The following CFAP69 variants were observed in gnomAD, a reference collection of about 807,000 sequenced individuals.
CFAP69 encodes the protein cilia- and flagella-associated protein 69.
Under a neutral mutation model 123.0 loss-of-function variants are expected in CFAP69, and 92 were observed. The observed-to-expected ratio is 0.75, with a 90% CI of 0.63 to 0.89. The LOEUF (loss-of-function observed/expected upper bound fraction) is 0.89. Among genes scored for constraint, CFAP69 ranks in the 40% least tolerant of loss-of-function variants. The pLI is 0.00. For synonymous variants in CFAP69, 380 were observed against 364.3 expected, an observed-to-expected ratio of 1.04 and a Z score of -0.49; for missense variants, 1,067 against 1,096.9, an observed-to-expected ratio of 0.97 and a Z score of 0.39.
chr7:90,248,429 A>G (rs1796578996), intron 1 of CFAP69, among the ~76,000 whole-genome samples: 1 of 152,226 alleles, frequency 6.6e-6, no homozygotes. Flanking sequence ...CACAAAAATA[A>G]CTTTGTAAAA....
chr7:90,287,104 A>T (rs1790409411), intron 14 of CFAP69, among the ~76,000 whole-genome samples: 1 of 148,596 alleles, frequency 6.7e-6, no homozygotes, highest in Admixed American at 6.7e-5. Flanking sequence ...AAAAAAAAAA[A>T]GATAGAAATA....
At chr7:90,291,126 G>A (rs1791124586) in intron 15 of CFAP69, among the ~76,000 whole-genome samples, 1 of 152,068 alleles carries the variant, frequency 6.6e-6, no homozygotes, top group Non-Finnish European at 1.5e-5. Context: ...TGAGTCCAAA[G>A]GATAAAGTGA....
intron 4 of CFAP69, among the ~76,000 whole-genome samples, chr7:90,263,401 G>C (rs1798602553): frequency 6.6e-6 from 1 of 152,038 alleles, no homozygotes; most frequent in Non-Finnish European, 1.5e-5. Context: ...TTCCGTTTTG[G>C]CCTCCAAGTA....
At chr7:90,252,167 G>T in intron 1 of CFAP69, 1 of 150,924 alleles carries the variant, frequency 6.6e-6, no homozygotes, top group South Asian at 2.1e-4. Flanking sequence ...TAAAATCTGA[G>T]AGTGTAGGAG....
chr7:90,301,981 G>A (rs897518924), intron 17 of CFAP69: 4 of 151,794 alleles, frequency 2.6e-5, no homozygotes, highest in African/African-American at 4.8e-5. Flanking sequence ...CAACCTTGCC[G>A]GTATGTTATT....
chr7:90,296,602 A>T (rs1488154394), intron 15 of CFAP69, among the ~76,000 whole-genome samples: 1 of 151,984 alleles, frequency 6.6e-6, no homozygotes, highest in Non-Finnish European at 1.5e-5. Flanking sequence ...TGCTGGTATT[A>T]CAGGCTGACC....
At chr7:90,323,077 C>T in the CFAP69 span, among the ~76,000 whole-genome samples, 2 of 152,098 alleles carry the variant, frequency 1.3e-5, no homozygotes, top group African/African-American at 2.4e-5. Context: ...ACTTCATATG[C>T]TTTTGATGAG....
At chr7:90,315,826 C>A (rs189949960), downstream of CFAP69, among the ~76,000 whole-genome samples, 3 of 152,200 alleles carry the variant, frequency 2.0e-5, no homozygotes, top group Non-Finnish European at 4.4e-5. Context: ...GGCTTGGTGG[C>A]TTACGCCTGT....
chr7:90,321,939 G>A, the CFAP69 span, among the ~76,000 whole-genome samples: 3 of 152,140 alleles, frequency 2.0e-5, no homozygotes, highest in African/African-American at 7.2e-5. Flanking sequence ...GCCCAGCAGC[G>A]ATGATCAGAT....
downstream of CFAP69, among the ~76,000 whole-genome samples, chr7:90,311,219 T>C (rs1207317722): frequency 1.3e-5 from 2 of 152,048 alleles, no homozygotes; most frequent in African/African-American, 2.4e-5. Context: ...TTATGAAGTC[T>C]CCCTCTCCTG....
intron 13 of CFAP69, among the ~76,000 whole-genome samples, chr7:90,284,181 C>T (rs1789910739): frequency 6.6e-6 from 1 of 152,030 alleles, no homozygotes; most frequent in Non-Finnish European, 1.5e-5. Flanking sequence ...AACCTTTTCC[C>T]TTTAACCGGA....
chr7:90,252,592 C>T (rs1797162672), intron 1 of CFAP69, among the ~76,000 whole-genome samples: 1 of 152,054 alleles, frequency 6.6e-6, no homozygotes, highest in Admixed American at 6.6e-5. Flanking sequence ...ATTACCTGAG[C>T]CTAGGGAGGT....
At chr7:90,279,420 T>C (rs1203456557) in intron 11 of CFAP69, among the ~76,000 whole-genome samples, 1 of 152,092 alleles carries the variant, frequency 6.6e-6, no homozygotes, top group Non-Finnish European at 1.5e-5. Flanking sequence ...CTACATTACA[T>C]ATATGAGCAG....
At position 90,310,302 on chromosome 7, in the gene CFAP69, A is replaced by G. The variant is rs1267241718; in HGVS notation, c.*64A>G. On this transcript the variant is annotated 3_prime_UTR_variant, in exon 23 of 23. Coordinates refer to ENST00000389297, the MANE Select transcript of CFAP69 (RefSeq NM_001039706.3). Reference sequence around the variant, plus strand: ...ATTTTTTAGCTGAATATATCTTTATACATATGTAAAGCCAATATTTTAGAA... The same window carrying G: ...ATTTTTTAGCTGAATATATCTTTATGCATATGTAAAGCCAATATTTTAGAA... 1 of 1,078,762 alleles carries G rather than the reference A, an allele frequency of 9.3e-7. No homozygotes were observed. Among genetic ancestry groups the G allele is most frequent in the African/African-American group, 1.6e-5 (1 of 62,128 alleles). The allele number at this position is 1,078,762 out of a possible 1,614,324, so 66.8% of individuals were successfully genotyped here.
chr7:90,290,525 A>G (rs996388810), intron 15 of CFAP69, among the ~76,000 whole-genome samples: 8 of 152,198 alleles, frequency 5.3e-5, no homozygotes, highest in Admixed American at 6.6e-5. Flanking sequence ...ACTGATTAAA[A>G]TGTTAATTAC....
chr7:90,283,079 A>C (rs755912749), intron 13 of CFAP69, 23 bp downstream of exon 13: 7 of 1,454,974 alleles, frequency 4.8e-6, no homozygotes, highest in Non-Finnish European at 6.4e-6. Flanking sequence ...ATGGTGGTTT[A>C]CTGATGAAAG....
chr7:90,295,789 G>A (rs1760827416), intron 15 of CFAP69, among the ~76,000 whole-genome samples: 1 of 152,170 alleles, frequency 6.6e-6, no homozygotes, highest in African/African-American at 2.4e-5. Context: ...CCGTTTGTAT[G>A]GTTATTTCTT....
rs1333585138 is a variant in CFAP69, at chr7:90,301,578, G to A, written c.2050+1519G>A. On this transcript the variant is annotated intron_variant, in intron 17 of 22. Transcript: ENST00000389297. ...TCCCACTTATAAGTGAAGACATGCA[G>A]TGTTTGGTTTTCTGTTCCTGTGTTA... 3 of 152,100 alleles carry A rather than the reference G, an allele frequency of 2.0e-5. No homozygotes were observed. The East Asian group carries it at 5.8e-4, about 29-fold the overall frequency. The allele number at this position is 152,100 out of a possible 1,614,324, so 9.4% of individuals were successfully genotyped here. A position where few individuals can be genotyped will look rare whatever the true frequency, so the allele number is the denominator to read the frequency against.
intron 14 of CFAP69, chr7:90,287,870 C>A: frequency 2.1e-6 from 1 of 471,166 alleles, no homozygotes; most frequent in Non-Finnish European, 2.8e-6. Flanking sequence ...ATAGTTCTTA[C>A]TATCTAAGAA....
Sources: gnomAD v4.1 joint callset for allele counts (sites outside exome capture counted in the v4.1 genomes callset) on GRCh38, gnomAD v4.1.1 for gene constraint, MANE v1.5 for transcripts, NCBI Gene and HGNC (gene_info 2026-07-23, HGNC 2026-07-21) for gene names.